Variants in RNF111 observed in about 807,000 individuals in gnomAD.
RNF111 encodes the protein E3 ubiquitin-protein ligase Arkadia.
A neutral mutation model predicts 95.1 loss-of-function variants in RNF111; 17 were observed. The observed-to-expected ratio is 0.18, with a 90% CI of 0.12 to 0.27. The LOEUF (loss-of-function observed/expected upper bound fraction) is 0.27, where lower values mean the gene tolerates loss of function less well. Among genes scored for constraint, RNF111 ranks in the 10% least tolerant of loss-of-function variants. RNF111 has a pLI of 1.00. For synonymous variants in RNF111, 440 were observed against 414.8 expected (o/e 1.06, Z -0.74); for missense variants, 1,189 against 1,210.4 (o/e 0.98, Z 0.26).
intron 2 of RNF111, among the ~76,000 whole-genome samples, chr15:59,037,056 C>T (rs186256003): frequency 3.9e-4 from 58 of 150,622 alleles, no homozygotes; most frequent in African/African-American, 1.0e-3. Context: ...AGGCTGGTCT[C>T]GAACTCCTGG....
chr15:59,025,322 C>G (rs1410452308), intron 1 of RNF111, among the ~76,000 whole-genome samples: 2 of 152,162 alleles, frequency 1.3e-5, no homozygotes, highest in African/African-American at 4.8e-5. Flanking sequence ...TTGTGTACTC[C>G]TAGCAGAAAT....
intron 1 of RNF111, among the ~76,000 whole-genome samples, chr15:58,993,246 C>T (rs1172759197): frequency 6.6e-6 from 1 of 152,096 alleles, no homozygotes; most frequent in Non-Finnish European, 1.5e-5. Context: ...TAGTGGCTCA[C>T]ACCTGTAATC....
intron 1 of RNF111, among the ~76,000 whole-genome samples, chr15:59,000,280 C>G (rs2039267774): frequency 6.6e-6 from 1 of 151,458 alleles, no homozygotes; most frequent in South Asian, 2.1e-4. Flanking sequence ...CCTCCCACTT[C>G]AGCCTCCCAA....
At chr15:59,091,738 A>G (rs1490622248) in intron 12 of RNF111, among the ~76,000 whole-genome samples, 1 of 152,218 alleles carries the variant, frequency 6.6e-6, no homozygotes, top group Non-Finnish European at 1.5e-5. Flanking sequence ...TTTTGACACC[A>G]GGGACCAGTT....
chr15:59,020,533 A>G (rs1304664942), intron 1 of RNF111, among the ~76,000 whole-genome samples: 4 of 152,178 alleles, frequency 2.6e-5, no homozygotes, highest in Non-Finnish European at 4.4e-5. Flanking sequence ...AGAGCAGTAG[A>G]CTCTGTAACA....
intron 2 of RNF111, among the ~76,000 whole-genome samples, chr15:59,036,650 TG>T (rs1424641822): frequency 1.3e-5 from 2 of 152,164 alleles, no homozygotes; most frequent in African/African-American, 4.8e-5. Flanking sequence ...AGGTGAGATT[TG>T]GGTGGGGACA....
At chr15:59,023,218 C>T (rs547594904) in intron 1 of RNF111, among the ~76,000 whole-genome samples, 7 of 151,922 alleles carry the variant, frequency 4.6e-5, no homozygotes, top group Admixed American at 1.3e-4. Flanking sequence ...ACTGCACTCC[C>T]GCCTGGGTGA....
intron 8 of RNF111, 129 bp downstream of exon 8, chr15:59,081,413 G>A (rs2078740324): frequency 4.0e-6 from 3 of 748,872 alleles, no homozygotes; most frequent in South Asian, 3.7e-5. Flanking sequence ...GGGAGGCTGA[G>A]ACAGGAGGAT....
At chr15:59,083,780 T>A (rs1177282046) in intron 8 of RNF111, among the ~76,000 whole-genome samples, 5 of 152,082 alleles carry the variant, frequency 3.3e-5, no homozygotes, top group Non-Finnish European at 5.9e-5. Flanking sequence ...GCCTGGGGTA[T>A]TTAATTTTTA....
chr15:59,055,587 A>G, intron 3 of RNF111, 95 bp from the exon 4 acceptor site: 1 of 977,830 alleles, frequency 1.0e-6, no homozygotes, highest in Non-Finnish European at 1.4e-6. Context: ...TCTTGTATGA[A>G]AAACTTAACA....
chr15:59,020,226 A>G lies in RNF111; in HGVS notation c.-19-10578A>G, dbSNP rs189468000. Among the ~76,000 whole-genome samples the G allele has an allele frequency of 3.6e-3, 538 of 149,756 alleles. 2 individuals are homozygous for G. The highest frequency in any genetic ancestry group is 0.013 in the African/African-American group (517 of 41,076). On this transcript the variant is annotated intron_variant, in intron 1 of 13. Coordinates refer to ENST00000348370, the MANE Select transcript of RNF111 (RefSeq NM_017610.8). ...ATACTTAATTCTATATACAATAAAG[A>G]TAATATGTATATACTGTACATAAAT...
intron 2 of RNF111, among the ~76,000 whole-genome samples, chr15:59,036,273 G>C (rs2041173361): frequency 6.6e-6 from 1 of 152,060 alleles, no homozygotes; most frequent in African/African-American, 2.4e-5. Flanking sequence ...GGCCGGGCTG[G>C]TCTCAAACTC....
At chr15:59,085,620 A>T (rs1248631309) in intron 9 of RNF111, 39 bp from the exon 10 acceptor site, 2 of 1,551,526 alleles carry the variant, frequency 1.3e-6, no homozygotes, top group African/African-American at 2.8e-5. Flanking sequence ...TAAAAAAGAG[A>T]CCCTAAGGAG....
chr15:59,096,333 A>G lies in RNF111; in HGVS notation c.*1433A>G, dbSNP rs1159332400. ...ATATCACTGTCTGTATGTGGAGGAC[A>G]TGTTCCCATGGATCATATGTGAAGA... On this transcript the variant is annotated 3_prime_UTR_variant, in exon 14 of 14. Transcript: ENST00000348370. 2.9e-6 allele frequency: 1 copy of G among 348,256 alleles called. No homozygotes were observed. Among genetic ancestry groups the G allele is most frequent in the Non-Finnish European group, 5.1e-6 (1 of 194,884 alleles). 21.6% of individuals were successfully genotyped at this position (348,256 alleles called of 1,614,324 possible). A position where few individuals can be genotyped will look rare whatever the true frequency, so the allele number is the denominator to read the frequency against.
chr15:59,072,588 C>G (rs1299216519), intron 6 of RNF111, among the ~76,000 whole-genome samples: 3 of 150,672 alleles, frequency 2.0e-5, no homozygotes, highest in African/African-American at 7.3e-5. Context: ...GTAGCTGGGA[C>G]TACAGGTGCC....
intron 10 of RNF111, among the ~76,000 whole-genome samples, chr15:59,088,702 C>A (rs534558114): frequency 2.0e-5 from 3 of 152,284 alleles, no homozygotes; most frequent in African/African-American, 7.2e-5. Flanking sequence ...AAATATGGGA[C>A]CCTTGCAAAC....
At position 59,095,907 on chromosome 15, in the gene RNF111, C is replaced by T. The variant is rs2140273144; in HGVS notation, c.*1007C>T. On this transcript the variant is annotated 3_prime_UTR_variant, in exon 14 of 14. Transcript: ENST00000348370. ...ATAGAACTTATAAAGGTCCCAGGATCACTTTTAAGGGATTTTTATTAGTTT... is the reference window on the plus strand; with the variant it reads ...ATAGAACTTATAAAGGTCCCAGGATTACTTTTAAGGGATTTTTATTAGTTT... The T allele has an allele frequency of 2.5e-6, 1 of 397,396 alleles. No homozygotes were observed. Among genetic ancestry groups the T allele is most frequent in the East Asian group, 3.6e-5 (1 of 27,898 alleles). 24.6% of individuals were successfully genotyped at this position (397,396 alleles called of 1,614,324 possible). A position where few individuals can be genotyped will look rare whatever the true frequency, so the allele number is the denominator to read the frequency against.
chr15:59,053,142 A>C lies in RNF111; in HGVS notation c.1007+711A>C, dbSNP rs577156607. Among the ~76,000 whole-genome samples the C allele has an allele frequency of 2.6e-5, 4 of 152,240 alleles. No homozygotes were observed. The East Asian group carries it at 7.8e-4, about 30-fold the overall frequency. On this transcript the variant is annotated intron_variant, in intron 3 of 13. Coordinates refer to ENST00000348370, the MANE Select transcript of RNF111 (RefSeq NM_017610.8). ...ACCCTAATTCAAAACATATGTTTTG[A>C]TTCTTTTTCCTTCACTCAGTAATTT...
chr15:59,041,429 T>C (rs2041444536), intron 2 of RNF111, among the ~76,000 whole-genome samples: 1 of 152,064 alleles, frequency 6.6e-6, no homozygotes, highest in Non-Finnish European at 1.5e-5. Context: ...TGGCTGCACC[T>C]GTAATCCCAG....
Sources: gnomAD v4.1 joint callset for allele counts (sites outside exome capture counted in the v4.1 genomes callset) on GRCh38, gnomAD v4.1.1 for gene constraint, MANE v1.5 for transcripts, NCBI Gene and HGNC (gene_info 2026-07-23, HGNC 2026-07-21) for gene names.